Variants in ARHGAP42 observed in about 807,000 individuals in gnomAD.
ARHGAP42 encodes rho GTPase-activating protein 42.
ARHGAP42 carries 63 observed loss-of-function variants against 125.0 expected under a neutral mutation model. That is an observed-to-expected ratio of 0.50 (90% confidence interval 0.41 to 0.62). The LOEUF (loss-of-function observed/expected upper bound fraction) is 0.62, where lower values mean the gene tolerates loss of function less well. Among genes scored for constraint, ARHGAP42 ranks in the 20% least tolerant of loss-of-function variants. The probability of loss-of-function intolerance (pLI) is 0.00; values close to 1 mark genes in which losing one functional copy is unlikely to be tolerated. For missense variants in ARHGAP42, 766 were observed against 1,024.2 expected (o/e 0.75, Z 3.44); for synonymous variants, 339 against 351.0 (o/e 0.97, Z 0.38).
chr11:100,734,027 T>C (rs1309803611), intron 1 of ARHGAP42, among the ~76,000 whole-genome samples: 1 of 140,048 alleles, frequency 7.1e-6, no homozygotes, highest in Non-Finnish European at 1.5e-5. Context: ...CACTGCCACC[T>C]GGGTTCAAGC....
At chr11:100,826,842 A>G (rs1028238684) in intron 3 of ARHGAP42, among the ~76,000 whole-genome samples, 9 of 152,052 alleles carry the variant, frequency 5.9e-5, no homozygotes, top group Non-Finnish European at 1.0e-4. Context: ...TTCTATACAG[A>G]AGGGAGTTAC....
At chr11:100,733,724 C>CT (rs1301886259) in intron 1 of ARHGAP42, among the ~76,000 whole-genome samples, 1 of 141,802 alleles carries the variant, frequency 7.1e-6, no homozygotes, top group Non-Finnish European at 1.5e-5. Context: ...TCTTGGGAGG[C>CT]TGAGGCATGA....
At chr11:100,781,396 A>G (rs1388658632) in intron 2 of ARHGAP42, among the ~76,000 whole-genome samples, 1 of 152,110 alleles carries the variant, frequency 6.6e-6, no homozygotes, top group Non-Finnish European at 1.5e-5. Context: ...TTTGGTGAGC[A>G]TGGGAGATAA....
At chr11:100,919,478 G>GA (rs912505055) in intron 5 of ARHGAP42, among the ~76,000 whole-genome samples, 39 of 150,130 alleles carry the variant, frequency 2.6e-4, no homozygotes, top group East Asian at 7.8e-4. Context: ...CCATTGACTA[G>GA]AAAAAAAAAC....
intron 4 of ARHGAP42, among the ~76,000 whole-genome samples, chr11:100,875,371 G>T (rs538843572): frequency 5.5e-4 from 83 of 152,178 alleles, no homozygotes; most frequent in Non-Finnish European, 1.1e-3. Flanking sequence ...TTGGGCTAGG[G>T]CTGGGGCTAG....
intron 8 of ARHGAP42, among the ~76,000 whole-genome samples, chr11:100,937,056 G>A (rs1021200161): frequency 6.6e-6 from 1 of 152,176 alleles, no homozygotes; most frequent in African/African-American, 2.4e-5. Flanking sequence ...CAATGTGAAA[G>A]GCTTTTGATA....
intron 12 of ARHGAP42, among the ~76,000 whole-genome samples, chr11:100,954,045 A>C (rs1857736716): frequency 6.6e-6 from 1 of 152,178 alleles, no homozygotes; most frequent in Admixed American, 6.6e-5. Context: ...TCCTGCCCCA[A>C]GACCTCCATC....
intron 3 of ARHGAP42, among the ~76,000 whole-genome samples, chr11:100,824,323 C>T (rs1333100082): frequency 6.6e-6 from 1 of 152,094 alleles, no homozygotes; most frequent in African/African-American, 2.4e-5. Context: ...TTTAATGATG[C>T]TTGCTTTAAG....
At chr11:100,907,400 C>A (rs1167086982) in intron 4 of ARHGAP42, among the ~76,000 whole-genome samples, 1 of 152,088 alleles carries the variant, frequency 6.6e-6, no homozygotes, top group African/African-American at 2.4e-5. Flanking sequence ...GTTTGATTAC[C>A]TGGTGGTGGT....
At chr11:100,971,985 A>G (rs943505156) in intron 17 of ARHGAP42, among the ~76,000 whole-genome samples, 1 of 152,174 alleles carries the variant, frequency 6.6e-6, no homozygotes, top group East Asian at 1.9e-4. Context: ...AGCAATTAAT[A>G]TATAGTATTT....
At chr11:100,851,244 G>A (rs982315744) in intron 3 of ARHGAP42, among the ~76,000 whole-genome samples, 1 of 152,052 alleles carries the variant, frequency 6.6e-6, no homozygotes, top group African/African-American at 2.4e-5. Context: ...CCTGAACACT[G>A]AATGAATGAT....
intron 12 of ARHGAP42, among the ~76,000 whole-genome samples, chr11:100,951,276 C>G (rs572256253): frequency 6.6e-6 from 1 of 151,884 alleles, no homozygotes; most frequent in Non-Finnish European, 1.5e-5. Context: ...TTTTTATTCT[C>G]ACATTTACTT....
chr11:100,700,082 A>C (rs7129917), intron 1 of ARHGAP42, among the ~76,000 whole-genome samples: 1 of 152,024 alleles, frequency 6.6e-6, no homozygotes, highest in South Asian at 2.1e-4. Context: ...GACCACCGCA[A>C]TAAAGTGAAT....
intron 4 of ARHGAP42, chr11:100,859,872 T>G (rs1448927043): frequency 9.9e-6 from 3 of 303,018 alleles, no homozygotes; most frequent in African/African-American, 4.3e-5. Flanking sequence ...TATAGGAAAT[T>G]AATGATTTTG....
chr11:100,909,298 A>G (rs1866842877), intron 4 of ARHGAP42, among the ~76,000 whole-genome samples: 1 of 147,820 alleles, frequency 6.8e-6, no homozygotes, highest in South Asian at 2.1e-4. Flanking sequence ...CATTCTTTCC[A>G]TAGGCCAGAG....
chr11:100,918,789 T>A (rs1867152382), intron 5 of ARHGAP42, among the ~76,000 whole-genome samples: 1 of 152,158 alleles, frequency 6.6e-6, no homozygotes, highest in African/African-American at 2.4e-5. Context: ...TTGGAGGCTA[T>A]GAAAACACCT....
At chr11:100,847,413 CA>C (rs1865097460) in intron 3 of ARHGAP42, among the ~76,000 whole-genome samples, 1 of 151,930 alleles carries the variant, frequency 6.6e-6, no homozygotes. Flanking sequence ...GGAATGGCAG[CA>C]AAAAAGGTTT....
At chr11:100,810,028 A>G (rs1464213883) in intron 3 of ARHGAP42, among the ~76,000 whole-genome samples, 1 of 152,186 alleles carries the variant, frequency 6.6e-6, no homozygotes, top group Non-Finnish European at 1.5e-5. Flanking sequence ...GATTTTCCAC[A>G]TAGAAAATTG....
In ARHGAP42 at chr11:100,961,760, C is replaced by T. The variant is rs1004384496; in HGVS notation, c.1377C>T (p.Asn459=). ...DNKTITSGLK[N]YLRCLAEPLM... Reference sequence around the variant, plus strand: ...AGACGATAACAAGTGGGCTGAAAAACTACCTCAGGTGAGGAGGGTTTAACT... The same window carrying T: ...AGACGATAACAAGTGGGCTGAAAAATTACCTCAGGTGAGGAGGGTTTAACT... Residue 459 remains asparagine, a synonymous_variant, in exon 15 of 24, where the codon AAC becomes AAT. Coordinates refer to ENST00000298815, the MANE Select transcript of ARHGAP42 (RefSeq NM_152432.4). 1.2e-5 allele frequency: 19 copies of T among 1,551,380 alleles called. No individual in the cohort carries two copies. Among genetic ancestry groups the T allele is most frequent in the Non-Finnish European group, 1.6e-5 (18 of 1,146,722 alleles).
Sources: gnomAD v4.1 joint callset for allele counts (sites outside exome capture counted in the v4.1 genomes callset) on GRCh38, gnomAD v4.1.1 for gene constraint, MANE v1.5 for transcripts, NCBI Gene and HGNC (gene_info 2026-07-23, HGNC 2026-07-21) for gene names.